FAM135B: variants seen among roughly 807,000 people sequenced by gnomAD.
FAM135B encodes protein FAM135B.
A neutral mutation model predicts 127.7 loss-of-function variants in FAM135B; 43 were observed. That is an observed-to-expected ratio of 0.34 (90% CI 0.26 to 0.43). The LOEUF (loss-of-function observed/expected upper bound fraction) is 0.43, where lower values mean the gene tolerates loss of function less well. Ranked by LOEUF, FAM135B falls within the 20% of genes least tolerant of loss-of-function variation. The pLI is 1.00. For missense variants in FAM135B, 1,558 were observed against 1,725.6 expected, an observed-to-expected ratio of 0.90 and a Z score of 1.72; for synonymous variants, 670 against 665.1, an observed-to-expected ratio of 1.01 and a Z score of -0.11.
Position 138,412,053 on chromosome 8 carries a change from G to A in FAM135B, c.-19-44051C>T, listed in dbSNP as rs147524093. 7.4e-4 allele frequency among the ~76,000 whole-genome samples: 112 copies of A among 152,186 alleles called. 1 individual carries two copies. The East Asian group carries it at 0.02, about 27-fold the overall frequency. On this transcript the variant is annotated intron_variant, in intron 1 of 19. Transcript: ENST00000395297. ...ATAAAAATTGCAACAATAGACAGTG[G>A]GGACTACTAGAAGGGGCAGTCGGGA...
At chr8:138,394,741 G>A (rs1832768004) in intron 1 of FAM135B, among the ~76,000 whole-genome samples, 1 of 152,084 alleles carries the variant, frequency 6.6e-6, no homozygotes, top group South Asian at 2.1e-4. Context: ...CTTTACTGAA[G>A]ACACAGGCTC....
rs148361670 is a variant in FAM135B at position 138,405,629 on chromosome 8, T to C, written c.-19-37627A>G. Among the ~76,000 whole-genome samples, 350 of 152,238 alleles carry C rather than the reference T, an allele frequency of 2.3e-3. 1 individual carries two copies. The highest frequency in any genetic ancestry group is 8.1e-3 in the African/African-American group (337 of 41,538). ...AGTCTATCATTGTTAGACATTTGGGTTGGTTCCAAATCTTTGCTATTGTGA... is the reference window on the plus strand; with the variant it reads ...AGTCTATCATTGTTAGACATTTGGGCTGGTTCCAAATCTTTGCTATTGTGA... On this transcript the variant is annotated intron_variant, in intron 1 of 19. Transcript: ENST00000395297.
rs201582800 is a variant in FAM135B at position 138,152,656 on chromosome 8, A to C, written c.1819T>G (p.Ser607Ala). 5 of 1,614,126 alleles carry C rather than the reference A, an allele frequency of 3.1e-6. No individual in the cohort carries two copies. The highest frequency in any genetic ancestry group is 1.7e-5 in the Admixed American group (1 of 60,016). The change falls in exon 13 of 20, where the codon TCA (serine) becomes GCA (alanine). Residue 607 changes from serine to alanine, a missense_variant. Ser to Ala is a moderately conservative substitution (Grantham distance 99, BLOSUM62 1). This residue lies in a region of FAM135B where 923 missense variants were observed against 865.3 expected (regional missense o/e 1.07). Transcript: ENST00000395297. Reference sequence around the variant, plus strand: ...AATTCATGGAGAGTTGTTTTGTCTGAAGAGATGGCATTTTGGTGGCTTCCA... The same window carrying C: ...AATTCATGGAGAGTTGTTTTGTCTGCAGAGATGGCATTTTGGTGGCTTCCA... ...VGGSHQNAIS[S>A]DKTTLHELST...
chr8:138,267,001 C>G (rs564112809), intron 3 of FAM135B, among the ~76,000 whole-genome samples: 1 of 152,036 alleles, frequency 6.6e-6, no homozygotes, highest in African/African-American at 2.4e-5. Flanking sequence ...AAATTTTACA[C>G]CAGATGAAGA....
intron 1 of FAM135B, among the ~76,000 whole-genome samples, chr8:138,384,941 C>T (rs910246400): frequency 6.6e-6 from 1 of 152,114 alleles, no homozygotes; most frequent in Non-Finnish European, 1.5e-5. Flanking sequence ...CATCCTCCAG[C>T]GACCTCTCGT....
intron 3 of FAM135B, among the ~76,000 whole-genome samples, chr8:138,302,715 C>T (rs1262362817): frequency 6.6e-6 from 1 of 152,242 alleles, no homozygotes; most frequent in South Asian, 2.1e-4. Flanking sequence ...CCTCCCCCCT[C>T]CCAAGCCCAC....
chr8:138,183,048 A>G (rs1169178885), intron 9 of FAM135B, among the ~76,000 whole-genome samples: 3 of 140,610 alleles, frequency 2.1e-5, no homozygotes, highest in Non-Finnish European at 4.6e-5. Context: ...CACACCTGCG[A>G]TGTCCACTCC....
At position 138,242,179 on chromosome 8, in the gene FAM135B, G is replaced by A. The variant is rs1032045316; in HGVS notation, c.669+763C>T. 5.7e-4 allele frequency among the ~76,000 whole-genome samples: 68 copies of A among 118,468 alleles called. No individual in the cohort carries two copies. The highest frequency in any genetic ancestry group is 1.0e-3 in the Non-Finnish European group (57 of 54,544). 77.7% of individuals were successfully genotyped at this position (118,468 alleles called of 152,430 possible). A position where few individuals can be genotyped will look rare whatever the true frequency, so the allele number is the denominator to read the frequency against. On this transcript the variant is annotated intron_variant, in intron 7 of 19. Coordinates refer to ENST00000395297, the MANE Select transcript of FAM135B (RefSeq NM_015912.4). This position sits in a 1 kb window ranked among gnomAD's most constrained non-coding sequence, Gnocchi z 9.6. ...GATAAATCTCTTTGTGTGTGTGTGT[G>A]TGTGTGTGTGTGTGTGTGTGTGTGT... is the stretch of plus-strand genomic sequence containing the variant.
intron 2 of FAM135B, among the ~76,000 whole-genome samples, chr8:138,356,280 G>GAAAA: frequency 1.5e-4 from 1 of 6,854 alleles, no homozygotes; most frequent in Middle Eastern, 0.1. Flanking sequence ...GAGAGAGAGA[G>GAAAA]AGAAAGAGAG....
chr8:138,313,994 C>T (rs188755388), intron 2 of FAM135B, among the ~76,000 whole-genome samples: 136 of 152,084 alleles, frequency 8.9e-4, no homozygotes, highest in Admixed American at 3.0e-3. Context: ...TATTTGTGTA[C>T]TCTTTGCTTT....
chr8:138,440,814 T>A (rs553682135), intron 1 of FAM135B: 1 of 151,876 alleles, frequency 6.6e-6, no homozygotes, highest in Non-Finnish European at 1.5e-5. Flanking sequence ...TGATATTTCA[T>A]GACATGCAAC....
chr8:138,489,648 A>C (rs1815124662), intron 1 of FAM135B, among the ~76,000 whole-genome samples: 1 of 152,110 alleles, frequency 6.6e-6, no homozygotes, highest in Non-Finnish European at 1.5e-5. Context: ...CAAAGTGTCC[A>C]AGGGCCTGCA....
chr8:138,287,574 AATC>A (rs1281585092), intron 3 of FAM135B, among the ~76,000 whole-genome samples: 3 of 152,014 alleles, frequency 2.0e-5, no homozygotes, highest in African/African-American at 7.3e-5. Flanking sequence ...ATGGTTACAG[AATC>A]ATCATCACTT....
At chr8:138,384,895 A>G (rs1208940165) in intron 1 of FAM135B, among the ~76,000 whole-genome samples, 1 of 151,916 alleles carries the variant, frequency 6.6e-6, no homozygotes, top group Non-Finnish European at 1.5e-5. Flanking sequence ...AGCAGAGGGG[A>G]TGGGAGACCT....
intron 2 of FAM135B, among the ~76,000 whole-genome samples, chr8:138,339,540 G>A (rs1390049734): frequency 3.3e-5 from 5 of 152,038 alleles, no homozygotes; most frequent in East Asian, 3.9e-4. Flanking sequence ...CCATGCTTTC[G>A]TGACATCAGA....
chr8:138,170,476 C>T (rs1298105604), intron 11 of FAM135B, among the ~76,000 whole-genome samples: 3 of 152,244 alleles, frequency 2.0e-5, no homozygotes, highest in South Asian at 2.1e-4. Flanking sequence ...CCCACCTAGG[C>T]CTCCCAAACT....
chr8:138,264,762 A>C (rs1389394066), intron 4 of FAM135B, among the ~76,000 whole-genome samples: 5 of 152,192 alleles, frequency 3.3e-5, no homozygotes, highest in Non-Finnish European at 7.3e-5. Context: ...GTCACTACCT[A>C]GATAACAAAA....
rs552522875 is a variant in FAM135B at position 138,148,459 on chromosome 8, A to G, written c.3448+61T>C. 202 of 1,357,992 alleles carry G rather than the reference A, an allele frequency of 1.5e-4. No homozygotes were observed. The African/African-American group carries it at 2.3e-3, about 15-fold the overall frequency. The allele number at this position is 1,357,992 out of a possible 1,614,324, so 84.1% of individuals were successfully genotyped here. ...ATGAATACCTCATCTAAATTAATACATAAATATTATAAGTTGTATATATGA... is the reference window on the plus strand; with the variant it reads ...ATGAATACCTCATCTAAATTAATACGTAAATATTATAAGTTGTATATATGA... On this transcript the variant is annotated intron_variant, in intron 14 of 19. Transcript: ENST00000395297.
intron 9 of FAM135B, among the ~76,000 whole-genome samples, chr8:138,183,769 C>G (rs1716286786): frequency 6.6e-6 from 1 of 152,196 alleles, no homozygotes; most frequent in African/African-American, 2.4e-5. Flanking sequence ...GACTTTCTAT[C>G]AATGAAAAAT....
Sources: gnomAD v4.1 joint callset for allele counts (sites outside exome capture counted in the v4.1 genomes callset) on GRCh38, gnomAD v4.1.1 for gene constraint, gnomAD v4.1.1 regional missense constraint, Gnocchi (gnomAD v3.1) non-coding constraint, MANE v1.5 for transcripts, NCBI Gene and HGNC (gene_info 2026-07-23, HGNC 2026-07-21) for gene names.